LTBP3: variants seen among roughly 807,000 people sequenced by gnomAD.
The protein encoded by LTBP3 is latent-transforming growth factor beta-binding protein 3.
Under a neutral mutation model 159.7 loss-of-function variants are expected in LTBP3, and 97 were observed. That is an observed-to-expected ratio of 0.61 (90% confidence interval 0.52 to 0.72). LTBP3 has a LOEUF of 0.72. LTBP3 is among the 30% of genes least tolerant of loss of function. LTBP3 has a pLI of 0.00. For missense variants in LTBP3, 1,584 were observed against 1,864.3 expected (o/e 0.85, Z 2.77); for synonymous variants, 824 against 777.1 (o/e 1.06, Z -1.00).
intron 8 of LTBP3, 130 bp downstream of exon 8, chr11:65,551,842 G>A: frequency 8.9e-7 from 1 of 1,123,106 alleles, no homozygotes; most frequent in Admixed American, 1.7e-5. Context: ...GGTCAGGTGG[G>A]AGGTCAGTGG....
chr11:65,547,681 G>A lies in LTBP3; in HGVS notation c.1978+9C>T, dbSNP rs1461368819. 1.1e-5 allele frequency: 18 copies of A among 1,605,058 alleles called. No homozygotes were observed. Among genetic ancestry groups the A allele is most frequent in the Non-Finnish European group, 1.5e-5 (18 of 1,177,546 alleles). On this transcript the variant is annotated intron_variant, in intron 13 of 27. Transcript: ENST00000301873. This position sits in a 1 kb window ranked among gnomAD's most constrained non-coding sequence, Gnocchi z 4.6. ...CACCCAGGGCCGCCTCCGCCCTGGC[G>A]GCGCTCACCCACGCACGAGCGCCCC... is the stretch of plus-strand genomic sequence containing the variant.
intron 11 of LTBP3, among the ~76,000 whole-genome samples, chr11:65,550,138 G>C (rs1856549014): frequency 6.6e-6 from 1 of 152,116 alleles, no homozygotes; most frequent in African/African-American, 2.4e-5. Context: ...GGCCAGGCGT[G>C]GTGGCTCACA....
Position 65,539,792 on chromosome 11 carries a change from AG to A in LTBP3, c.3474del (p.Phe1159SerfsTer66). The A allele has an allele frequency of 6.5e-7, 1 of 1,543,952 alleles. No homozygotes were observed. Among genetic ancestry groups the A allele is most frequent in the Non-Finnish European group, 8.7e-7 (1 of 1,152,192 alleles). ...CAGPLAGPAL[T>X]FDDCCCRQGR... is the part of the protein sequence containing the mutation. ...CCCTGGCGGCAGCAGCAGTCGTCGA[AG>A]GTGAGGGCAGGCCCGGCCAGGGGGC... On this transcript the variant is annotated frameshift_variant, in exon 25 of 28. Transcript: ENST00000301873. LOFTEE classifies it high-confidence loss of function.
At position 65,549,567 on chromosome 11, in the gene LTBP3, CTTTTT is replaced by C. The variant is rs748132211; in HGVS notation, c.1721-1527_1721-1523del. Among the ~76,000 whole-genome samples, 230 of 64,746 alleles carry C rather than the reference CTTTTT, an allele frequency of 3.6e-3. 2 individuals are homozygous for C. The highest frequency in any genetic ancestry group is 0.037 in the Middle Eastern group (2 of 54). The allele number at this position is 64,746 out of a possible 152,430, so 42.5% of individuals were successfully genotyped here. Reference sequence around the variant, plus strand: ...GCATGCACCACCACGCCCAGCTAATCTTTTTTTTTTTTTTTTTTTTTTTTGGATTT... The same window carrying C: ...GCATGCACCACCACGCCCAGCTAATCTTTTTTTTTTTTTTTTTTTGGATTT... On this transcript the variant is annotated intron_variant, in intron 11 of 27. Coordinates refer to ENST00000301873, the MANE Select transcript of LTBP3 (RefSeq NM_001130144.3).
chr11:65,544,908 A>C (rs1190293376), intron 16 of LTBP3: 1 of 152,386 alleles, frequency 6.6e-6, no homozygotes, highest in Non-Finnish European at 1.5e-5. Context: ...ACTTTGGAAG[A>C]GCAAGAGTCC....
rs765536857 is a variant in LTBP3, at chr11:65,541,591, G to T, written c.2725+9C>A. ...TCCAGTCCGAGGGAGGAGCTGGGAG[G>T]ACACTCACCCTCACAACCGTGCTGG... On this transcript the variant is annotated intron_variant, in intron 19 of 27. Coordinates refer to ENST00000301873, the MANE Select transcript of LTBP3 (RefSeq NM_001130144.3). The T allele has an allele frequency of 6.2e-7, 1 of 1,614,120 alleles. No individual in the cohort carries two copies. The highest frequency in any genetic ancestry group is 1.1e-5 in the South Asian group (1 of 91,074).
chr11:65,542,312 G>C (rs1347255104), intron 18 of LTBP3: 1 of 164,992 alleles, frequency 6.1e-6, no homozygotes, highest in Admixed American at 5.6e-5. Context: ...CCCTAGCTGG[G>C]AGCCCTGGGT....
At position 65,552,421 on chromosome 11, in the gene LTBP3, G is replaced by C; in HGVS notation, c.1187-15C>G. ...CGGTTTGTCTGCTGCAGGGGCCAGTGGGGGGCATGGGCATCTGAGCCTGCA... is the reference window on the plus strand; with the variant it reads ...CGGTTTGTCTGCTGCAGGGGCCAGTCGGGGGCATGGGCATCTGAGCCTGCA... On this transcript the variant is annotated splice_polypyrimidine_tract_variant and intron_variant, in intron 6 of 27. Coordinates refer to ENST00000301873, the MANE Select transcript of LTBP3 (RefSeq NM_001130144.3). This position sits in a 1 kb window ranked among gnomAD's most constrained non-coding sequence, Gnocchi z 6.0. 6.2e-7 allele frequency: 1 copy of C among 1,611,170 alleles called. No individual in the cohort carries two copies. The highest frequency in any genetic ancestry group is 8.5e-7 in the Non-Finnish European group (1 of 1,179,906).
intron 1 of LTBP3, among the ~76,000 whole-genome samples, chr11:65,555,358 C>A (rs371723021): frequency 1.3e-5 from 2 of 152,298 alleles, no homozygotes; most frequent in African/African-American, 4.8e-5. Flanking sequence ...GCAAATGTGC[C>A]TGCCTCCTGC....
chr11:65,547,347 GGAAA>G lies in LTBP3; in HGVS notation c.2107+88_2107+91del, dbSNP rs1856416487. The G allele has an allele frequency of 1.7e-5, 23 of 1,329,792 alleles. No homozygotes were observed. Among genetic ancestry groups the G allele is most frequent in the Admixed American group, 2.1e-5 (1 of 48,454 alleles). 82.4% of individuals were successfully genotyped at this position (1,329,792 alleles called of 1,614,324 possible). A position where few individuals can be genotyped will look rare whatever the true frequency, so the allele number is the denominator to read the frequency against. ...CGACAGAGTGAGACTCCGTCTCGGG[GGAAA>G]AAAAAAAAAATGCAGGCACCCCAGC... On this transcript the variant is annotated intron_variant, in intron 14 of 27. Coordinates refer to ENST00000301873, the MANE Select transcript of LTBP3 (RefSeq NM_001130144.3). The surrounding 1 kb of genome is among the most constrained non-coding windows in gnomAD (Gnocchi z 4.6).
chr11:65,540,816 C>T (rs934366911), intron 21 of LTBP3, 55 bp downstream of exon 21: 43 of 1,549,426 alleles, frequency 2.8e-5, no homozygotes, highest in Admixed American at 2.6e-4. Flanking sequence ...GGGATCCGGG[C>T]GAGCCCAACC....
Position 65,558,218 on chromosome 11 carries a change from G to T in LTBP3, c.-259C>A. 1.9e-6 allele frequency: 2 copies of T among 1,053,870 alleles called. No homozygotes were observed. Among genetic ancestry groups the T allele is most frequent in the Non-Finnish European group, 2.3e-6 (2 of 872,490 alleles). The allele number at this position is 1,053,870 out of a possible 1,614,324, so 65.3% of individuals were successfully genotyped here. A position where few individuals can be genotyped will look rare whatever the true frequency, so the allele number is the denominator to read the frequency against. On this transcript the variant is annotated 5_prime_UTR_variant, in exon 1 of 28. Coordinates refer to ENST00000301873, the MANE Select transcript of LTBP3 (RefSeq NM_001130144.3). The stretch of plus-strand genomic sequence containing the variant: ...CCCGAACTCAGGCAGGAGCGAGGAG[G>T]CCGGAGCAAGTTGAGGCGGAGAGGA...
chr11:65,556,930 G>C (rs892667991), intron 1 of LTBP3, among the ~76,000 whole-genome samples: 5 of 151,920 alleles, frequency 3.3e-5, no homozygotes, highest in Non-Finnish European at 5.9e-5. Context: ...TGGGGAGGGG[G>C]TGGACTCCAA....
chr11:65,551,249 CAGAGACGATAT>C (rs776664345), intron 10 of LTBP3, 25 bp from the exon 11 acceptor site: 351 of 1,539,158 alleles, frequency 2.3e-4, no homozygotes, highest in Non-Finnish European at 2.9e-4. Context: ...GCACTCTGGT[CAGAGACGATAT>C]TGACTGAAGC....
At position 65,552,447 on chromosome 11, in the gene LTBP3, C is replaced by A; in HGVS notation, c.1187-41G>T. 6.2e-7 allele frequency: 1 copy of A among 1,606,554 alleles called. No individual in the cohort carries two copies. Among genetic ancestry groups the A allele is most frequent in the Admixed American group, 1.7e-5 (1 of 59,984 alleles). On this transcript the variant is annotated intron_variant, in intron 6 of 27. Coordinates refer to ENST00000301873, the MANE Select transcript of LTBP3 (RefSeq NM_001130144.3). This position sits in a 1 kb window ranked among gnomAD's most constrained non-coding sequence, Gnocchi z 6.0. ...GGGGGCATGGGCATCTGAGCCTGCACATTGCCCACGTCCCTCTGCCCAGCT... is the reference window on the plus strand; with the variant it reads ...GGGGGCATGGGCATCTGAGCCTGCAAATTGCCCACGTCCCTCTGCCCAGCT...
chr11:65,539,350 G>T lies in LTBP3; in HGVS notation c.3738C>A (p.Asp1246Glu). The change falls in exon 27 of 28, where the codon GAC (aspartate) becomes GAA (glutamate). Residue 1246 changes from aspartate (D) to glutamate (E), a missense_variant. Asp to Glu is a conservative substitution (Grantham distance 45, BLOSUM62 2). Around this residue, in one of 6 missense-constraint regions of LTBP3, gnomAD observed 514 missense variants for 530.3 expected, o/e 0.97. Transcript: ENST00000301873. ...VCECPGGFQLDASRARCVDID... is the reference protein window; with the variant it reads ...VCECPGGFQLEASRARCVDID... ...CACCCACGCAGCGGGCGCGGGAGGC[G>T]TCGAGCTGGAAGCCGCCGGGACACT... 3 of 1,529,796 alleles carry T rather than the reference G, an allele frequency of 2.0e-6. No individual in the cohort carries two copies. The highest frequency in any genetic ancestry group is 2.6e-6 in the Non-Finnish European group (3 of 1,136,442). 94.8% of individuals were successfully genotyped at this position (1,529,796 alleles called of 1,614,324 possible). A position where few individuals can be genotyped will look rare whatever the true frequency, so the allele number is the denominator to read the frequency against.
In LTBP3 at chr11:65,547,302, C is replaced by T; in HGVS notation, c.2107+137G>A. ...GAGGTTGCAGTGAGCCAAGATCTCACCACCGCACTCCAGCCTGGGCGACAG... is the reference window on the plus strand; with the variant it reads ...GAGGTTGCAGTGAGCCAAGATCTCATCACCGCACTCCAGCCTGGGCGACAG... On this transcript the variant is annotated intron_variant, in intron 14 of 27. Transcript: ENST00000301873. The surrounding 1 kb of genome is among the most constrained non-coding windows in gnomAD (Gnocchi z 4.6). 3 of 1,050,624 alleles carry T rather than the reference C, an allele frequency of 2.9e-6. No homozygotes were observed. Among genetic ancestry groups the T allele is most frequent in the Non-Finnish European group, 4.2e-6 (3 of 717,468 alleles). 65.1% of individuals were successfully genotyped at this position (1,050,624 alleles called of 1,614,324 possible).
rs1274704456 is a variant in LTBP3 at position 65,552,008 on chromosome 11, G to C, written c.1495C>G (p.Gln499Glu). The change falls in exon 8 of 28, where the codon CAG becomes GAG. Residue 499 changes from glutamine to glutamate, a missense_variant. By Grantham distance (29) the Gln-to-Glu change is conservative. This residue lies in a region of LTBP3 where 565 missense variants were observed against 677.7 expected (regional missense o/e 0.83). Coordinates refer to ENST00000301873, the MANE Select transcript of LTBP3 (RefSeq NM_001130144.3). The surrounding 1 kb of genome is among the most constrained non-coding windows in gnomAD (Gnocchi z 6.0). ...TCTGTGTCCTCAGGTGGTGGAGCCT[G>C]GCTAGGGCTCTCCGGAAGCTGCTGG... ...KPQQLPESPS[Q>E]APPPEDTEEE... 5 of 1,613,956 alleles carry C rather than the reference G, an allele frequency of 3.1e-6. No homozygotes were observed. The highest frequency in any genetic ancestry group is 4.2e-6 in the Non-Finnish European group (5 of 1,180,020).
chr11:65,543,367 G>T (rs1232292737), intron 17 of LTBP3, 60 bp downstream of exon 17: 3 of 1,612,360 alleles, frequency 1.9e-6, no homozygotes, highest in African/African-American at 2.7e-5. Context: ...TGGACCCTGG[G>T]GGGTGGGGGT....
Sources: allele counts gnomAD v4.1 joint callset (sites outside exome capture counted in the v4.1 genomes callset), GRCh38; gene constraint gnomAD v4.1.1; regional missense constraint gnomAD v4.1.1; non-coding constraint Gnocchi (gnomAD v3.1); transcripts MANE v1.5; gene names NCBI Gene and HGNC (gene_info 2026-07-23, HGNC 2026-07-21).